Variants in ADAMTS17 observed in about 807,000 individuals in gnomAD.
ADAMTS17 encodes ADAM metallopeptidase with thrombospondin type 1 motif 17.
Under a neutral mutation model 141.5 loss-of-function variants are expected in ADAMTS17, and 113 were observed. The observed-to-expected ratio is 0.80, with a 90% CI of 0.69 to 0.93. ADAMTS17 has a LOEUF of 0.93. ADAMTS17 is among the 40% of genes least tolerant of loss of function. The pLI, the probability that ADAMTS17 is intolerant of heterozygous loss-of-function variation, is 0.00. For synonymous variants in ADAMTS17, 768 were observed against 630.6 expected, an observed-to-expected ratio of 1.22 and a Z score of -3.27; for missense variants, 1,659 against 1,517.9, an observed-to-expected ratio of 1.09 and a Z score of -1.54.
chr15:100,041,666 T>C (rs2031267553), intron 18 of ADAMTS17, among the ~76,000 whole-genome samples: 1 of 152,166 alleles, frequency 6.6e-6, no homozygotes, highest in African/African-American at 2.4e-5. Context: ...TCAATGTTTT[T>C]GTGTTGGTGT....
intron 3 of ADAMTS17, among the ~76,000 whole-genome samples, chr15:100,294,423 A>G (rs777822104): frequency 3.9e-5 from 6 of 152,110 alleles, no homozygotes; most frequent in Non-Finnish European, 7.4e-5. Flanking sequence ...AAAAAAATGA[A>G]TTGGAACTGA....
intron 4 of ADAMTS17, among the ~76,000 whole-genome samples, chr15:100,263,171 A>C (rs1211581950): frequency 6.6e-6 from 1 of 152,158 alleles, no homozygotes; most frequent in Non-Finnish European, 1.5e-5. Context: ...ACCTTCATGA[A>C]GGGGCTGGGG....
intron 14 of ADAMTS17, among the ~76,000 whole-genome samples, chr15:100,098,411 G>C (rs1162648964): frequency 6.6e-6 from 1 of 152,158 alleles, no homozygotes; most frequent in East Asian, 1.9e-4. Flanking sequence ...CACTTTGGGA[G>C]GCTGAGGTGG....
intron 20 of ADAMTS17, among the ~76,000 whole-genome samples, chr15:99,982,189 T>C (rs2060494350): frequency 6.6e-6 from 1 of 152,210 alleles, no homozygotes; most frequent in Non-Finnish European, 1.5e-5. Context: ...AATCCTGCTG[T>C]TATTATTCTC....
rs377231358 is a variant in ADAMTS17, at chr15:100,072,372, C to G, written c.2138-18318G>C. 6.0e-5 allele frequency among the ~76,000 whole-genome samples: 9 copies of G among 149,336 alleles called. No homozygotes were observed. In the East Asian group the frequency reaches 1.4e-3, roughly 23 times the overall value. On this transcript the variant is annotated intron_variant, in intron 15 of 21. Coordinates refer to ENST00000268070, the MANE Select transcript of ADAMTS17 (RefSeq NM_139057.4). ...ATTCAATGCCATCCCCATCAAGCTA[C>G]CAATGACTTTCTTCACAGAATTGGA...
chr15:100,224,599 C>A (rs563148281), intron 7 of ADAMTS17, among the ~76,000 whole-genome samples: 1 of 152,210 alleles, frequency 6.6e-6, no homozygotes, highest in Non-Finnish European at 1.5e-5. Flanking sequence ...ATAAGGTCCT[C>A]GTTCTTCACC....
At position 100,205,215 on chromosome 15, in the gene ADAMTS17, C is replaced by T. The variant is rs141836953; in HGVS notation, c.1076-5792G>A. Reference sequence around the variant, plus strand: ...ATCACACGAGTCCCCACAGATGACTCGAGGGTCCCTGGGCTGGAGCAGTCA... The same window carrying T: ...ATCACACGAGTCCCCACAGATGACTTGAGGGTCCCTGGGCTGGAGCAGTCA... On this transcript the variant is annotated intron_variant, in intron 7 of 21. Transcript: ENST00000268070. Among the ~76,000 whole-genome samples, 121 of 152,180 alleles carry T rather than the reference C, an allele frequency of 8.0e-4. 1 individual carries two copies. Among genetic ancestry groups the T allele is most frequent in the Admixed American group, 2.8e-3 (43 of 15,298 alleles).
intron 7 of ADAMTS17, among the ~76,000 whole-genome samples, chr15:100,230,781 A>G (rs900718817): frequency 5.3e-5 from 8 of 152,052 alleles, no homozygotes; most frequent in Non-Finnish European, 8.8e-5. Flanking sequence ...AATTATAAAA[A>G]TGAATTTAAA....
chr15:100,331,113 G>T, intron 2 of ADAMTS17, 59 bp from the exon 3 acceptor site: 1 of 1,604,294 alleles, frequency 6.2e-7, no homozygotes, highest in South Asian at 1.1e-5. Context: ...CACGCCCATG[G>T]CCCCCCGGAG....
At position 100,196,358 on chromosome 15, in the gene ADAMTS17, T is replaced by C. The variant is rs574044605; in HGVS notation, c.1181+2960A>G. 2.6e-5 allele frequency among the ~76,000 whole-genome samples: 4 copies of C among 152,374 alleles called. No individual in the cohort carries two copies. The East Asian group carries it at 7.7e-4, about 29-fold the overall frequency. On this transcript the variant is annotated intron_variant, in intron 8 of 21. Coordinates refer to ENST00000268070, the MANE Select transcript of ADAMTS17 (RefSeq NM_139057.4). Reference sequence around the variant, plus strand: ...TAGCTTTGTGTTTTCTGACAGCCAATGCAGCAACAAAATCATGTGAATCTG... The same window carrying C: ...TAGCTTTGTGTTTTCTGACAGCCAACGCAGCAACAAAATCATGTGAATCTG...
chr15:100,110,601 G>T (rs2036713075), intron 13 of ADAMTS17, among the ~76,000 whole-genome samples: 1 of 152,120 alleles, frequency 6.6e-6, no homozygotes. Flanking sequence ...AGGTTGAATA[G>T]ATTTTGTTCT....
At chr15:100,262,793 A>C (rs1335584086) in intron 4 of ADAMTS17, among the ~76,000 whole-genome samples, 1 of 151,678 alleles carries the variant, frequency 6.6e-6, no homozygotes, top group Non-Finnish European at 1.5e-5. Flanking sequence ...AAAAAAAAAA[A>C]AAAACAAAAA....
At chr15:100,333,025 C>T (rs749117059) in intron 2 of ADAMTS17, among the ~76,000 whole-genome samples, 4 of 152,158 alleles carry the variant, frequency 2.6e-5, no homozygotes, top group Non-Finnish European at 5.9e-5. Flanking sequence ...TGTCAGCATG[C>T]CACCAGTGGT....
chr15:100,335,735 A>G (rs2046189343), intron 2 of ADAMTS17, among the ~76,000 whole-genome samples: 1 of 152,258 alleles, frequency 6.6e-6, no homozygotes, highest in South Asian at 2.1e-4. Context: ...CACAGACTTT[A>G]TCTTCTTCCA....
chr15:100,306,598 C>A lies in ADAMTS17; in HGVS notation c.616+24291G>T, dbSNP rs764965554. 1.1e-5 allele frequency: 5 copies of A among 455,434 alleles called. 1 individual carries two copies. Among genetic ancestry groups the A allele is most frequent in the South Asian group, 7.8e-5 (5 of 64,448 alleles). The allele number at this position is 455,434 out of a possible 1,614,324, so 28.2% of individuals were successfully genotyped here. A position where few individuals can be genotyped will look rare whatever the true frequency, so the allele number is the denominator to read the frequency against. On this transcript the variant is annotated intron_variant, in intron 3 of 21. Transcript: ENST00000268070. ...TGGAACTGAGAAAAGCTATGTCCAC[C>A]GTGCCTTGTCAAATCCCTGACCCAC...
intron 19 of ADAMTS17, among the ~76,000 whole-genome samples, chr15:99,995,965 C>G (rs78322065): frequency 3.2e-4 from 49 of 152,040 alleles, no homozygotes; most frequent in African/African-American, 1.2e-3. Context: ...ATTTTCCAAA[C>G]GTAGAGATCT....
intron 3 of ADAMTS17, among the ~76,000 whole-genome samples, chr15:100,309,799 G>T (rs1246648174): frequency 2.6e-5 from 4 of 152,262 alleles, no homozygotes; most frequent in African/African-American, 7.2e-5. Context: ...CTGCCTGGGG[G>T]TCTGTGTGGC....
At chr15:100,002,230 G>A (rs965160529) in intron 18 of ADAMTS17, among the ~76,000 whole-genome samples, 1 of 151,912 alleles carries the variant, frequency 6.6e-6, no homozygotes, top group Non-Finnish European at 1.5e-5. Flanking sequence ...GAATAAAGAC[G>A]TCAGGCTTTA....
intron 3 of ADAMTS17, among the ~76,000 whole-genome samples, chr15:100,294,995 T>C (rs1206850873): frequency 6.6e-6 from 1 of 152,188 alleles, no homozygotes; most frequent in Non-Finnish European, 1.5e-5. Context: ...TCTGTCCCTC[T>C]GCCTCCTGCC....
Sources: gnomAD v4.1 joint callset for allele counts (sites outside exome capture counted in the v4.1 genomes callset) on GRCh38, gnomAD v4.1.1 for gene constraint, MANE v1.5 for transcripts, NCBI Gene and HGNC (gene_info 2026-07-23, HGNC 2026-07-21) for gene names.